The following CRTAM variants were observed in gnomAD, a reference collection of about 807,000 sequenced individuals.
CRTAM encodes cytotoxic and regulatory T-cell molecule.
CRTAM carries 44 observed loss-of-function variants against 50.0 expected under a neutral mutation model. The ratio of observed to expected loss-of-function variants is 0.88; its 90% CI spans 0.69 to 1.13. The LOEUF (loss-of-function observed/expected upper bound fraction) is 1.13, where lower values mean the gene tolerates loss of function less well. Among genes scored for constraint, CRTAM ranks in the 50% most tolerant of loss-of-function variants. CRTAM has a pLI of 0.00. For synonymous variants in CRTAM, 159 were observed against 169.3 expected (o/e 0.94, Z 0.47); for missense variants, 448 against 457.5 (o/e 0.98, Z 0.19).
chr11:122,863,341 GAAAGAAAGAA>G (rs780010902), intron 6 of CRTAM, among the ~76,000 whole-genome samples: 4,358 of 85,300 alleles, frequency 0.051, 114 homozygotes, highest in Non-Finnish European at 0.085. Flanking sequence ...AAGAAAGAAA[GAAAGAAAGAA>G]AAAGAAAGAA....
chr11:122,854,003 ATGT>A lies in CRTAM; in HGVS notation c.411_413del (p.Val138del). On this transcript the variant is annotated inframe_deletion, in exon 4 of 10. Coordinates refer to ENST00000227348, the MANE Select transcript of CRTAM (RefSeq NM_019604.4). Reference sequence around the variant, plus strand: ...ATCAGAAAGCAAAATGGAGAAGAACATGTTGTACTCATGTGCTCCACCATGAGA... The same window carrying A: ...ATCAGAAAGCAAAATGGAGAAGAACATGTACTCATGTGCTCCACCATGAGA... 1.2e-6 allele frequency: 2 copies of A among 1,614,068 alleles called. No homozygotes were observed. The highest frequency in any genetic ancestry group is 2.2e-5 in the South Asian group (2 of 91,068).
At chr11:122,865,889 G>A (rs1862166620) in intron 7 of CRTAM, among the ~76,000 whole-genome samples, 1 of 152,098 alleles carries the variant, frequency 6.6e-6, no homozygotes, top group African/African-American at 2.4e-5. Context: ...CAATTTCCAA[G>A]AACTTTTGAG....
intron 6 of CRTAM, among the ~76,000 whole-genome samples, chr11:122,864,034 T>C (rs1862135866): frequency 1.3e-5 from 2 of 152,146 alleles, no homozygotes; most frequent in Non-Finnish European, 2.9e-5. Flanking sequence ...ATTTATCTTA[T>C]CTAGAAAAAA....
intron 1 of CRTAM, among the ~76,000 whole-genome samples, chr11:122,839,314 T>C (rs917235674): frequency 6.6e-6 from 1 of 152,214 alleles, no homozygotes; most frequent in African/African-American, 2.4e-5. Flanking sequence ...TTCTGCATCT[T>C]AAAATGAAAA....
At chr11:122,846,403 G>C (rs1861863405) in intron 1 of CRTAM, among the ~76,000 whole-genome samples, 2 of 103,544 alleles carry the variant, frequency 1.9e-5, no homozygotes, top group African/African-American at 7.3e-5. Context: ...CCTCCTCCCG[G>C]GTTCAATGAT....
Position 122,853,936 on chromosome 11 carries a change from G to T in CRTAM, c.347-7G>T, listed in dbSNP as rs1469677061. The T allele has an allele frequency of 5.6e-6, 9 of 1,613,014 alleles. No homozygotes were observed. The highest frequency in any genetic ancestry group is 7.6e-6 in the Non-Finnish European group (9 of 1,179,672). The stretch of plus-strand genomic sequence containing the variant: ...TAATTAACACAGAAAAATCCATTTT[G>T]TTCTAGCAACTCCTTTCAAGCCAAT... On this transcript the variant is annotated splice_region_variant and splice_polypyrimidine_tract_variant and intron_variant, in intron 3 of 9. Coordinates refer to ENST00000227348, the MANE Select transcript of CRTAM (RefSeq NM_019604.4).
In CRTAM at chr11:122,855,141, A is replaced by G. The variant is rs545760167; in HGVS notation, c.491-554A>G. 8.5e-5 allele frequency among the ~76,000 whole-genome samples: 13 copies of G among 152,252 alleles called. No homozygotes were observed. The South Asian group carries it at 2.7e-3, about 32-fold the overall frequency. ...GTATTTTTAGTAGAGACAGGGTTTC[A>G]CCATGTTGGCCAGGCTGGTCTCGAA... is the stretch of plus-strand genomic sequence containing the variant. On this transcript the variant is annotated intron_variant, in intron 4 of 9. Transcript: ENST00000227348.
At chr11:122,858,023 C>G (rs1862027033) in intron 5 of CRTAM, among the ~76,000 whole-genome samples, 1 of 152,060 alleles carries the variant, frequency 6.6e-6, no homozygotes, top group African/African-American at 2.4e-5. Context: ...ATCAGTCCTC[C>G]CACCTCAGCC....
At chr11:122,861,602 G>A (rs549832508) in intron 5 of CRTAM, among the ~76,000 whole-genome samples, 1 of 150,842 alleles carries the variant, frequency 6.6e-6, no homozygotes, top group South Asian at 2.1e-4. Context: ...ACCACGCCCG[G>A]CTAGTTTTTT....
At chr11:122,844,355 A>G (rs1861835946) in intron 1 of CRTAM, among the ~76,000 whole-genome samples, 1 of 152,218 alleles carries the variant, frequency 6.6e-6, no homozygotes, top group Non-Finnish European at 1.5e-5. Flanking sequence ...CTCCCATCTT[A>G]CCCAATGCAG....
At chr11:122,843,869 C>T (rs1430567820) in intron 1 of CRTAM, among the ~76,000 whole-genome samples, 1 of 152,230 alleles carries the variant, frequency 6.6e-6, no homozygotes, top group Non-Finnish European at 1.5e-5. Flanking sequence ...TTTTTAAGCA[C>T]TACAGTCTAA....
chr11:122,865,925 T>C (rs1369297844), intron 7 of CRTAM, among the ~76,000 whole-genome samples: 1 of 152,218 alleles, frequency 6.6e-6, no homozygotes, highest in Non-Finnish European at 1.5e-5. Flanking sequence ...ATTTTGTCCA[T>C]TGTCACTGTT....
rs1329486123 is a variant in CRTAM at position 122,854,091 on chromosome 11, G to A, written c.490+5G>A. ...GGAATAGCATGGAAGTGTCCGGTAA[G>A]GGGAGAAATGGTTCTCTTTGTCTTC... is the stretch of plus-strand genomic sequence containing the variant. On this transcript the variant is annotated splice_donor_5th_base_variant and intron_variant, in intron 4 of 9. Coordinates refer to ENST00000227348, the MANE Select transcript of CRTAM (RefSeq NM_019604.4). 4 of 1,605,818 alleles carry A rather than the reference G, an allele frequency of 2.5e-6. No individual in the cohort carries two copies. Among genetic ancestry groups the A allele is most frequent in the Non-Finnish European group, 2.5e-6 (3 of 1,177,626 alleles).
intron 7 of CRTAM, among the ~76,000 whole-genome samples, chr11:122,866,108 A>G (rs752227088): frequency 6.6e-6 from 1 of 152,162 alleles, no homozygotes; most frequent in Non-Finnish European, 1.5e-5. Flanking sequence ...ATGAGTCCCA[A>G]ACACCTCATT....
chr11:122,871,584 A>G lies in CRTAM; in HGVS notation c.*185A>G, dbSNP rs1862254790. On this transcript the variant is annotated 3_prime_UTR_variant, in exon 10 of 10. Coordinates refer to ENST00000227348, the MANE Select transcript of CRTAM (RefSeq NM_019604.4). ...GCAACATGAGGACCAAACCATGCAC[A>G]TAAAGCTTGTAGTTTAAAAAAGAAA... is the stretch of plus-strand genomic sequence containing the variant. 2 of 426,580 alleles carry G rather than the reference A, an allele frequency of 4.7e-6. No individual in the cohort carries two copies. Among genetic ancestry groups the G allele is most frequent in the Admixed American group, 4.2e-5 (1 of 24,014 alleles). 26.4% of individuals were successfully genotyped at this position (426,580 alleles called of 1,614,324 possible).
chr11:122,857,106 A>G (rs1862016896), intron 5 of CRTAM, among the ~76,000 whole-genome samples: 1 of 152,172 alleles, frequency 6.6e-6, no homozygotes, highest in African/African-American at 2.4e-5. Context: ...ATGAAGGGGG[A>G]AATGGCAGTT....
chr11:122,863,306 GA>G (rs1490696485), intron 6 of CRTAM, among the ~76,000 whole-genome samples: 11 of 123,900 alleles, frequency 8.9e-5, no homozygotes, highest in African/African-American at 3.7e-4. Flanking sequence ...AAGAGAGAAA[GA>G]AAAGAAAGAA....
chr11:122,850,053 T>C lies in CRTAM; in HGVS notation c.47-15T>C, dbSNP rs1861910787. The C allele has an allele frequency of 1.9e-6, 3 of 1,580,082 alleles. No individual in the cohort carries two copies. On this transcript the variant is annotated splice_polypyrimidine_tract_variant and intron_variant, in intron 1 of 9. Transcript: ENST00000227348. The stretch of plus-strand genomic sequence containing the variant: ...GACCCCCGGCCTGATCATCCCCATT[T>C]CTCTTCCTCCACAGAGGCCTCTCTG...
chr11:122,846,508 C>T (rs1323313348), intron 1 of CRTAM, among the ~76,000 whole-genome samples: 3 of 152,006 alleles, frequency 2.0e-5, no homozygotes, highest in Non-Finnish European at 2.9e-5. Flanking sequence ...AGGCTGGTCT[C>T]GAACTCCTGA....
Sources: gnomAD v4.1 joint callset for allele counts (sites outside exome capture counted in the v4.1 genomes callset) on GRCh38, gnomAD v4.1.1 for gene constraint, MANE v1.5 for transcripts, NCBI Gene and HGNC (gene_info 2026-07-23, HGNC 2026-07-21) for gene names.